The following CNTN3 variants were observed in gnomAD, a reference collection of about 807,000 sequenced individuals.
The protein encoded by CNTN3 is contactin-3.
In CNTN3, 60 loss-of-function variants were observed where a neutral mutation model predicts 119.1. That is an observed-to-expected ratio of 0.50 (90% confidence interval 0.41 to 0.62). CNTN3 has a LOEUF of 0.62. CNTN3 is among the 20% of genes least tolerant of loss of function. The pLI, the probability that CNTN3 is intolerant of heterozygous loss-of-function variation, is 0.00. For synonymous variants in CNTN3, 450 were observed against 438.7 expected, an observed-to-expected ratio of 1.03 and a Z score of -0.32; for missense variants, 1,101 against 1,242.4, an observed-to-expected ratio of 0.89 and a Z score of 1.71.
intron 1 of CNTN3, among the ~76,000 whole-genome samples, chr3:74,579,051 A>C (rs1398996750): frequency 6.6e-6 from 1 of 152,040 alleles, no homozygotes; most frequent in Non-Finnish European, 1.5e-5. Flanking sequence ...GTCTTGAAAA[A>C]AAAGAGGTTG....
intron 1 of CNTN3, among the ~76,000 whole-genome samples, chr3:74,561,175 T>TA (rs371345475): frequency 0.024 from 3,503 of 144,544 alleles, 92 homozygotes; most frequent in African/African-American, 0.06. Context: ...TAAAGCATAA[T>TA]AAAAAAAAAA....
intron 7 of CNTN3, 87 bp from the exon 8 acceptor site, chr3:74,369,460 G>T: frequency 4.6e-6 from 5 of 1,085,498 alleles, no homozygotes; most frequent in Non-Finnish European, 6.4e-6. Flanking sequence ...GAACAAGAAG[G>T]CACAGGATTT....
intron 1 of CNTN3, among the ~76,000 whole-genome samples, chr3:74,530,588 T>C (rs1291299848): frequency 1.3e-5 from 2 of 151,468 alleles, no homozygotes; most frequent in Non-Finnish European, 2.9e-5. Flanking sequence ...TGGAGCCAAA[T>C]AGTGGGTTGC....
intron 4 of CNTN3, among the ~76,000 whole-genome samples, chr3:74,475,476 C>T (rs1702637560): frequency 6.6e-6 from 1 of 152,070 alleles, no homozygotes; most frequent in Non-Finnish European, 1.5e-5. Flanking sequence ...GATCTTAACG[C>T]TAGGGAATTG....
intron 2 of CNTN3, among the ~76,000 whole-genome samples, chr3:74,509,926 T>G (rs1703335084): frequency 6.6e-6 from 1 of 151,996 alleles, no homozygotes; most frequent in African/African-American, 2.4e-5. Context: ...TTTTCACTCT[T>G]ATCACCCTCA....
At chr3:74,392,370 G>T (rs562836076) in intron 5 of CNTN3, among the ~76,000 whole-genome samples, 1 of 151,896 alleles carries the variant, frequency 6.6e-6, no homozygotes, top group Non-Finnish European at 1.5e-5. Context: ...CTTTACTTTT[G>T]TCTTTCCTTT....
chr3:74,269,304 C>T (rs1559672487), intron 20 of CNTN3, among the ~76,000 whole-genome samples: 1 of 151,860 alleles, frequency 6.6e-6, no homozygotes, highest in Non-Finnish European at 1.5e-5. Flanking sequence ...AATTTAATGC[C>T]TTATATAAAC....
At chr3:74,576,736 AT>A (rs915309320) in intron 1 of CNTN3, among the ~76,000 whole-genome samples, 7 of 151,336 alleles carry the variant, frequency 4.6e-5, no homozygotes, top group Non-Finnish European at 7.4e-5. Context: ...ACCTGTAATG[AT>A]TTTTTTTTCT....
In CNTN3 at chr3:74,495,262, G is replaced by A. The variant is rs75290333; in HGVS notation, c.182+4397C>T. On this transcript the variant is annotated intron_variant, in intron 3 of 22. Coordinates refer to ENST00000263665, the MANE Select transcript of CNTN3 (RefSeq NM_020872.3). ...AAATAATTTAGAGGAACAATAACTCGTCTTGACACATAAAAGTAAAATAAC... is the reference window on the plus strand; with the variant it reads ...AAATAATTTAGAGGAACAATAACTCATCTTGACACATAAAAGTAAAATAAC... Among the ~76,000 whole-genome samples, 802 of 151,960 alleles carry A rather than the reference G, an allele frequency of 5.3e-3. 10 individuals carry two copies. The highest frequency in any genetic ancestry group is 0.018 in the African/African-American group (765 of 41,450).
chr3:74,285,379 G>A lies in CNTN3; in HGVS notation c.2630C>T (p.Thr877Met), dbSNP rs926224404. Residue 877 changes from threonine to methionine, a missense_variant, in exon 20 of 23, where the codon ACG becomes ATG. Physicochemically the swap from Thr to Met is moderately conservative, Grantham distance 81. Coordinates refer to ENST00000263665, the MANE Select transcript of CNTN3 (RefSeq NM_020872.3). Reference sequence around the variant, plus strand: ...GGCACTGTTGTAAGCCCGGACAGCCGTGTAATAGGCCAGGTTGCTCTTCAG... The same window carrying A: ...GGCACTGTTGTAAGCCCGGACAGCCATGTAATAGGCCAGGTTGCTCTTCAG... ...RGLKSNLAYY[T>M]AVRAYNSAGA... The A allele has an allele frequency of 9.3e-6, 15 of 1,613,578 alleles. No individual in the cohort carries two copies. Among genetic ancestry groups the A allele is most frequent in the African/African-American group, 2.7e-5 (2 of 74,860 alleles).
Position 74,264,371 on chromosome 3 carries a change from T to C in CNTN3, c.*30A>G. 1 of 1,296,096 alleles carries C rather than the reference T, an allele frequency of 7.7e-7. No homozygotes were observed. The highest frequency in any genetic ancestry group is 1.0e-6 in the Non-Finnish European group (1 of 965,160). The allele number at this position is 1,296,096 out of a possible 1,614,324, so 80.3% of individuals were successfully genotyped here. On this transcript the variant is annotated 3_prime_UTR_variant, in exon 23 of 23. Coordinates refer to ENST00000263665, the MANE Select transcript of CNTN3 (RefSeq NM_020872.3). ...GCACTTTTTTTGGTAACCAAATAACTTTCCAATAAATAATAAAAAGGAGTT... is the reference window on the plus strand; with the variant it reads ...GCACTTTTTTTGGTAACCAAATAACCTTCCAATAAATAATAAAAAGGAGTT...
At position 74,433,145 on chromosome 3, in the gene CNTN3, T is replaced by C. The variant is rs547514051; in HGVS notation, c.359-8205A>G. ...ATTTCAAATGAACCTCTGACAACCA[T>C]ACAAAATGTCATCCAGAATCATCCA... On this transcript the variant is annotated intron_variant, in intron 4 of 22. Transcript: ENST00000263665. Among the ~76,000 whole-genome samples, 7 of 152,168 alleles carry C rather than the reference T, an allele frequency of 4.6e-5. No homozygotes were observed. The South Asian group carries it at 8.3e-4, about 18-fold the overall frequency.
chr3:74,417,552 C>T (rs945418908), intron 5 of CNTN3, among the ~76,000 whole-genome samples: 6 of 152,070 alleles, frequency 3.9e-5, no homozygotes, highest in South Asian at 2.1e-4. Context: ...ATGGAATATG[C>T]CTGGATGGAC....
chr3:74,299,944 C>T lies in CNTN3; in HGVS notation c.2096-6G>A, dbSNP rs1466689601. On this transcript the variant is annotated splice_polypyrimidine_tract_variant and splice_region_variant and intron_variant, in intron 16 of 22. Transcript: ENST00000263665. Reference sequence around the variant, plus strand: ...AGAAGGAGGCACTTCTGGAACTATACAGGTCAGAGAAACAGAGATGAAATG... The same window carrying T: ...AGAAGGAGGCACTTCTGGAACTATATAGGTCAGAGAAACAGAGATGAAATG... 4 of 1,586,372 alleles carry T rather than the reference C, an allele frequency of 2.5e-6. No homozygotes were observed. The highest frequency in any genetic ancestry group is 1.7e-6 in the Non-Finnish European group (2 of 1,165,402).
At chr3:74,353,718 T>C (rs1034361259) in intron 11 of CNTN3, among the ~76,000 whole-genome samples, 2 of 151,968 alleles carry the variant, frequency 1.3e-5, no homozygotes, top group African/African-American at 2.4e-5. Flanking sequence ...ATTGCGCCAC[T>C]GCACTCCAGC....
intron 4 of CNTN3, among the ~76,000 whole-genome samples, chr3:74,458,697 G>A (rs56077247): frequency 0.27 from 40,542 of 151,836 alleles, 5,910 homozygotes; most frequent in Non-Finnish European, 0.34. Context: ...GGATAGGAGA[G>A]GTTTCACTAC....
chr3:74,318,852 A>G (rs556975633), intron 13 of CNTN3, among the ~76,000 whole-genome samples: 2 of 152,272 alleles, frequency 1.3e-5, no homozygotes, highest in South Asian at 4.1e-4. Context: ...TTCCAGCTGC[A>G]TGCTGGGAGA....
At chr3:74,385,970 CA>C (rs1309807992) in intron 5 of CNTN3, among the ~76,000 whole-genome samples, 1 of 152,114 alleles carries the variant, frequency 6.6e-6, no homozygotes, top group African/African-American at 2.4e-5. Flanking sequence ...CTGATCTTGG[CA>C]ACTTGCACAT....
chr3:74,405,245 C>T (rs192745869), intron 5 of CNTN3, among the ~76,000 whole-genome samples: 130 of 152,118 alleles, frequency 8.5e-4, no homozygotes, highest in Non-Finnish European at 9.9e-4. Context: ...GTTATTTCCA[C>T]ACTCATCGAT....
Sources: gnomAD v4.1 joint callset for allele counts (sites outside exome capture counted in the v4.1 genomes callset) on GRCh38, gnomAD v4.1.1 for gene constraint, MANE v1.5 for transcripts, NCBI Gene and HGNC (gene_info 2026-07-23, HGNC 2026-07-21) for gene names.